The following ZNF609 variants were observed in gnomAD, a reference collection of about 807,000 sequenced individuals.
The protein encoded by ZNF609 is zinc finger protein 609.
In ZNF609, 11 loss-of-function variants were observed where a neutral mutation model predicts 109.5. That is an observed-to-expected ratio of 0.10 (90% CI 0.06 to 0.17). The LOEUF is 0.17. Ranked by LOEUF, ZNF609 falls within the 10% of genes least tolerant of loss-of-function variation. The probability of loss-of-function intolerance (pLI) is 1.00; values close to 1 mark genes in which losing one functional copy is unlikely to be tolerated. For missense variants in ZNF609, 1,559 were observed against 1,772.4 expected, an observed-to-expected ratio of 0.88 and a Z score of 2.16; for synonymous variants, 646 against 662.0, an observed-to-expected ratio of 0.98 and a Z score of 0.37.
chr15:64,594,787 G>T (rs1895362050), intron 2 of ZNF609, among the ~76,000 whole-genome samples: 1 of 151,616 alleles, frequency 6.6e-6, no homozygotes, highest in African/African-American at 2.4e-5. Flanking sequence ...AGCACTTTGG[G>T]AGGCCAAGGC....
At chr15:64,660,069 A>G (rs1470775011) in intron 3 of ZNF609, among the ~76,000 whole-genome samples, 4 of 152,104 alleles carry the variant, frequency 2.6e-5, no homozygotes, top group African/African-American at 7.2e-5. Context: ...TCCTGACCTC[A>G]GGTGATCTGC....
intron 2 of ZNF609, among the ~76,000 whole-genome samples, chr15:64,539,486 C>T (rs139603140): frequency 0.015 from 2,191 of 150,838 alleles, 29 homozygotes; most frequent in Non-Finnish European, 0.022. Flanking sequence ...GGATTACAGG[C>T]GTGAGCCACT....
chr15:64,673,968 G>A lies in ZNF609; in HGVS notation c.1114G>A (p.Gly372Ser). Residue 372 changes from glycine (G) to serine (S), a missense_variant, in exon 5 of 10, where the codon GGC (glycine) becomes AGC (serine). This residue lies in a region of ZNF609 where 1,204 missense variants were observed against 1,314.1 expected (regional missense o/e 0.92). Transcript: ENST00000326648. ...GGAAATGCGCAATGGCCGGGGTAGAGGCAAACGCATGCGTCCCAACAGTAA... is the reference window on the plus strand; with the variant it reads ...GGAAATGCGCAATGGCCGGGGTAGAAGCAAACGCATGCGTCCCAACAGTAA... The part of the protein sequence containing the change: ...DLEMRNGRGR[G>S]KRMRPNSNTP... The A allele has an allele frequency of 6.2e-7, 1 of 1,614,210 alleles. No individual in the cohort carries two copies. The highest frequency in any genetic ancestry group is 8.5e-7 in the Non-Finnish European group (1 of 1,180,044).
intron 1 of ZNF609, among the ~76,000 whole-genome samples, chr15:64,465,534 C>A (rs1016724026): frequency 6.6e-6 from 1 of 151,976 alleles, no homozygotes. Context: ...GCGCCCACCA[C>A]CATGCCCAGC....
intron 3 of ZNF609, among the ~76,000 whole-genome samples, chr15:64,665,748 A>T (rs1896636812): frequency 6.6e-6 from 1 of 152,056 alleles, no homozygotes; most frequent in Non-Finnish European, 1.5e-5. Context: ...ATCTACTAAA[A>T]ATATAAAATT....
intron 2 of ZNF609, among the ~76,000 whole-genome samples, chr15:64,547,691 C>A (rs1260720664): frequency 6.6e-6 from 1 of 151,684 alleles, no homozygotes; most frequent in East Asian, 1.9e-4. Context: ...TGAGTCCCCA[C>A]CAGTGTACCA....
chr15:64,554,342 T>A (rs543837965), intron 2 of ZNF609, among the ~76,000 whole-genome samples: 78 of 152,258 alleles, frequency 5.1e-4, no homozygotes, highest in Non-Finnish European at 9.9e-4. Context: ...CATATACTTT[T>A]AAAAATTTTA....
chr15:64,565,232 G>T (rs62023974), intron 2 of ZNF609, among the ~76,000 whole-genome samples: 1 of 138,736 alleles, frequency 7.2e-6, no homozygotes, highest in Non-Finnish European at 1.5e-5. Flanking sequence ...GCTAATTTTT[G>T]TATTATTATT....
intron 2 of ZNF609, among the ~76,000 whole-genome samples, chr15:64,592,089 C>G (rs2140939192): frequency 6.6e-6 from 1 of 151,414 alleles, no homozygotes; most frequent in Non-Finnish European, 1.5e-5. Flanking sequence ...CACTGGAGCT[C>G]TGGGGGTCAA....
chr15:64,509,219 G>T (rs1893682159), intron 2 of ZNF609, among the ~76,000 whole-genome samples: 2 of 151,996 alleles, frequency 1.3e-5, no homozygotes, highest in South Asian at 2.1e-4. Flanking sequence ...CCTAAAATTG[G>T]AATGAATATC....
chr15:64,628,265 C>A (rs1896004587), intron 3 of ZNF609, among the ~76,000 whole-genome samples: 1 of 151,964 alleles, frequency 6.6e-6, no homozygotes, highest in African/African-American at 2.4e-5. Flanking sequence ...TGTGCCACTG[C>A]ATTCCAGGCT....
intron 2 of ZNF609, among the ~76,000 whole-genome samples, chr15:64,565,877 C>T (rs1894767771): frequency 6.6e-6 from 1 of 151,942 alleles, no homozygotes; most frequent in Admixed American, 6.6e-5. Flanking sequence ...GAGATAGAGT[C>T]TCGTTCTGTC....
At chr15:64,579,844 A>G (rs1321649873) in intron 2 of ZNF609, among the ~76,000 whole-genome samples, 1 of 152,216 alleles carries the variant, frequency 6.6e-6, no homozygotes, top group Non-Finnish European at 1.5e-5. Context: ...TTTAAGTCAG[A>G]TATGAGAAAA....
intron 1 of ZNF609, among the ~76,000 whole-genome samples, chr15:64,485,903 A>T (rs1485998242): frequency 6.6e-6 from 1 of 152,212 alleles, no homozygotes; most frequent in African/African-American, 2.4e-5. Context: ...ACATTGATAT[A>T]AGCCATCTAT....
chr15:64,613,605 C>T (rs1164306388), intron 2 of ZNF609, among the ~76,000 whole-genome samples: 2 of 152,140 alleles, frequency 1.3e-5, no homozygotes, highest in Non-Finnish European at 2.9e-5. Flanking sequence ...GGCTGGAGTG[C>T]AGTGGTGTGA....
chr15:64,547,447 C>T (rs1595714303), intron 2 of ZNF609, among the ~76,000 whole-genome samples: 2 of 152,090 alleles, frequency 1.3e-5, no homozygotes, highest in East Asian at 3.8e-4. Flanking sequence ...AATACAGTTG[C>T]AATAATAATT....
chr15:64,669,111 T>G (rs1403326210), intron 3 of ZNF609, among the ~76,000 whole-genome samples: 3 of 151,970 alleles, frequency 2.0e-5, no homozygotes, highest in Non-Finnish European at 2.9e-5. Context: ...TATAAATGGG[T>G]ATATGAATGA....
At chr15:64,558,704 T>C (rs1404356617) in intron 2 of ZNF609, among the ~76,000 whole-genome samples, 2 of 152,224 alleles carry the variant, frequency 1.3e-5, no homozygotes, top group Non-Finnish European at 2.9e-5. Context: ...TCCTTCTTGA[T>C]TGGCAAATAG....
intron 2 of ZNF609, among the ~76,000 whole-genome samples, chr15:64,604,845 T>G (rs1205383665): frequency 6.6e-6 from 1 of 152,134 alleles, no homozygotes; most frequent in African/African-American, 2.4e-5. Flanking sequence ...ATTTATTTAT[T>G]TTTTGAGATG....
Sources: allele counts gnomAD v4.1 joint callset (sites outside exome capture counted in the v4.1 genomes callset), GRCh38; gene constraint gnomAD v4.1.1; regional missense constraint gnomAD v4.1.1; transcripts MANE v1.5; gene names NCBI Gene and HGNC (gene_info 2026-07-23, HGNC 2026-07-21).